Variants in OXCT1 observed in about 807,000 individuals in gnomAD.
OXCT1 encodes the protein 3-oxoacid CoA-transferase 1.
Under a neutral mutation model 69.6 loss-of-function variants are expected in OXCT1, and 27 were observed. That is an observed-to-expected ratio of 0.39 (90% CI 0.29 to 0.54). The LOEUF (loss-of-function observed/expected upper bound fraction) is 0.54, where lower values mean the gene tolerates loss of function less well. Among genes scored for constraint, OXCT1 ranks in the 20% least tolerant of loss-of-function variants. OXCT1 has a pLI of 0.72. For missense variants in OXCT1, 437 were observed against 650.2 expected (o/e 0.67, Z 3.57); for synonymous variants, 202 against 217.8 (o/e 0.93, Z 0.64).
rs114513226 is a variant in OXCT1, at chr5:41,765,069, T to C, written c.1249-2869A>G. Among the ~76,000 whole-genome samples the C allele has an allele frequency of 3.4e-3, 522 of 152,236 alleles. 1 individual carries two copies. The highest frequency in any genetic ancestry group is 0.012 in the African/African-American group (493 of 41,542). The stretch of plus-strand genomic sequence containing the variant: ...AAAAGAAGAAAAGGCGTTCTATTTA[T>C]ACCAGGAGGAAAATAAAACAGGGTT... On this transcript the variant is annotated intron_variant, in intron 13 of 16. Coordinates refer to ENST00000196371, the MANE Select transcript of OXCT1 (RefSeq NM_000436.4).
intron 7 of OXCT1, among the ~76,000 whole-genome samples, chr5:41,810,057 T>C (rs1746889243): frequency 6.6e-6 from 1 of 151,568 alleles, no homozygotes; most frequent in Non-Finnish European, 1.5e-5. Context: ...GAAGAAAACA[T>C]GTTTTCAGAC....
rs552798478 is a variant in OXCT1, at chr5:41,868,506, G to C, written c.78+1775C>G. Among the ~76,000 whole-genome samples the C allele has an allele frequency of 8.0e-4, 122 of 152,214 alleles. 1 individual carries two copies. Among genetic ancestry groups the C allele is most frequent in the African/African-American group, 2.9e-3 (121 of 41,532 alleles). ...TGGGAGGCCGAGGCGGGCGGATCAC[G>C]AGGTCAGGAGATCGAGACCATCCCA... On this transcript the variant is annotated intron_variant, in intron 1 of 16. Transcript: ENST00000196371.
Position 41,731,774 on chromosome 5 carries a change from G to C in OXCT1, c.1522-4C>G. On this transcript the variant is annotated splice_polypyrimidine_tract_variant and splice_region_variant and intron_variant, in intron 16 of 16. Coordinates refer to ENST00000196371, the MANE Select transcript of OXCT1 (RefSeq NM_000436.4). ...TTGGCATGAGTTTTGGTGAAACCTG[G>C]TAAAAGAGGAAAAAAAAATCAAATT... is the stretch of plus-strand genomic sequence containing the variant. 1 of 1,608,268 alleles carries C rather than the reference G, an allele frequency of 6.2e-7. No homozygotes were observed. Among genetic ancestry groups the C allele is most frequent in the Non-Finnish European group, 8.5e-7 (1 of 1,177,000 alleles).
chr5:41,735,971 G>A (rs1240418172), intron 16 of OXCT1, among the ~76,000 whole-genome samples: 1 of 152,194 alleles, frequency 6.6e-6, no homozygotes, highest in Non-Finnish European at 1.5e-5. Context: ...ACACTGGGGA[G>A]CCAAAGCCTC....
intron 13 of OXCT1, among the ~76,000 whole-genome samples, chr5:41,774,902 AAAAT>A (rs1268973699): frequency 2.0e-5 from 3 of 152,260 alleles, no homozygotes; most frequent in South Asian, 2.1e-4. Context: ...CTCAAAAAAT[AAAAT>A]AAATAAATAA....
chr5:41,841,245 A>G (rs1748613153), intron 6 of OXCT1, among the ~76,000 whole-genome samples: 1 of 152,188 alleles, frequency 6.6e-6, no homozygotes, highest in Non-Finnish European at 1.5e-5. Context: ...AAAGGAAGTA[A>G]GTCACAGCTA....
chr5:41,795,395 A>T (rs1746131471), intron 11 of OXCT1, among the ~76,000 whole-genome samples: 2 of 152,160 alleles, frequency 1.3e-5, no homozygotes, highest in South Asian at 4.1e-4. Flanking sequence ...ATACCTCTCC[A>T]GCCTCTCGCC....
At chr5:41,856,881 TC>T (rs1465302898) in intron 3 of OXCT1, among the ~76,000 whole-genome samples, 1 of 152,120 alleles carries the variant, frequency 6.6e-6, no homozygotes, top group Non-Finnish European at 1.5e-5. Context: ...AGGGCTGTCT[TC>T]CCATTACTCT....
In OXCT1 at chr5:41,762,025, C is replaced by T; in HGVS notation, c.1338+86G>A. The T allele has an allele frequency of 1.1e-6, 1 of 878,120 alleles. No homozygotes were observed. The allele number at this position is 878,120 out of a possible 1,614,324, so 54.4% of individuals were successfully genotyped here. A position where few individuals can be genotyped will look rare whatever the true frequency, so the allele number is the denominator to read the frequency against. On this transcript the variant is annotated intron_variant, in intron 14 of 16. Transcript: ENST00000196371. This position sits in a 1 kb window ranked among gnomAD's most constrained non-coding sequence, Gnocchi z 4.0. ...TGAATGAGCCAGAGAAAATAAAATCCACAGTTAGGTGACCTGGTGGTACAC... is the reference window on the plus strand; with the variant it reads ...TGAATGAGCCAGAGAAAATAAAATCTACAGTTAGGTGACCTGGTGGTACAC...
At chr5:41,828,876 G>A (rs1747949293) in intron 7 of OXCT1, among the ~76,000 whole-genome samples, 1 of 152,120 alleles carries the variant, frequency 6.6e-6, no homozygotes, top group Non-Finnish European at 1.5e-5. Flanking sequence ...GCTTTGCAGG[G>A]TACACACTGT....
intron 7 of OXCT1, among the ~76,000 whole-genome samples, chr5:41,830,466 A>T (rs1045255986): frequency 1.4e-4 from 22 of 152,234 alleles, no homozygotes; most frequent in African/African-American, 5.1e-4. Context: ...ACTGAAATAG[A>T]GAGCTTTAAC....
intron 13 of OXCT1, among the ~76,000 whole-genome samples, chr5:41,767,655 A>C (rs1744670293): frequency 7.0e-6 from 1 of 142,456 alleles, no homozygotes; most frequent in Non-Finnish European, 1.5e-5. Flanking sequence ...ATAGTTAATC[A>C]TCTGATTGAG....
intron 7 of OXCT1, among the ~76,000 whole-genome samples, chr5:41,831,912 TTG>T (rs1748116240): frequency 6.6e-6 from 1 of 152,216 alleles, no homozygotes; most frequent in Admixed American, 6.5e-5. Flanking sequence ...ACATGTCTGC[TTG>T]GCAGGATGGC....
rs1353645415 is a variant in OXCT1 at position 41,762,253 on chromosome 5, C to T, written c.1249-53G>A. 2 of 1,367,354 alleles carry T rather than the reference C, an allele frequency of 1.5e-6. No homozygotes were observed. Among genetic ancestry groups the T allele is most frequent in the Non-Finnish European group, 1.0e-6 (1 of 955,144 alleles). The allele number at this position is 1,367,354 out of a possible 1,614,324, so 84.7% of individuals were successfully genotyped here. ...TATCTTTCACTTCTTTTGTATGTGA[C>T]AGAACAAAATTAACTTGCAAAAATA... On this transcript the variant is annotated intron_variant, in intron 13 of 16. Coordinates refer to ENST00000196371, the MANE Select transcript of OXCT1 (RefSeq NM_000436.4). This position sits in a 1 kb window ranked among gnomAD's most constrained non-coding sequence, Gnocchi z 4.0.
intron 14 of OXCT1, among the ~76,000 whole-genome samples, chr5:41,760,783 G>T (rs1354463497): frequency 6.6e-6 from 1 of 152,030 alleles, no homozygotes; most frequent in Non-Finnish European, 1.5e-5. Flanking sequence ...ACCTGTGCTG[G>T]TACCATTTCT....
chr5:41,731,446 T>A lies in OXCT1; in HGVS notation c.*283A>T. The A allele has an allele frequency of 2.0e-6, 2 of 1,000,546 alleles. No homozygotes were observed. The highest frequency in any genetic ancestry group is 2.6e-6 in the Non-Finnish European group (2 of 771,880). The allele number at this position is 1,000,546 out of a possible 1,614,324, so 62.0% of individuals were successfully genotyped here. ...GGGGAAAGGTTCATATAATTTAGCA[T>A]ACATACCATATTCAGTGAAAATGCA... On this transcript the variant is annotated 3_prime_UTR_variant, in exon 17 of 17. Coordinates refer to ENST00000196371, the MANE Select transcript of OXCT1 (RefSeq NM_000436.4).
chr5:41,841,130 T>C (rs1196404744), intron 6 of OXCT1, among the ~76,000 whole-genome samples: 1 of 152,192 alleles, frequency 6.6e-6, no homozygotes, highest in Non-Finnish European at 1.5e-5. Flanking sequence ...ATTTTGCCGA[T>C]GGTTTTGCAC....
intron 14 of OXCT1, among the ~76,000 whole-genome samples, chr5:41,753,328 CACACAG>C (rs1360900959): frequency 2.1e-4 from 30 of 144,382 alleles, no homozygotes; most frequent in African/African-American, 6.0e-4. Flanking sequence ...CACACACACA[CACACAG>C]ACACACACGT....
intron 7 of OXCT1, among the ~76,000 whole-genome samples, chr5:41,815,773 A>C (rs1561099502): frequency 1.3e-5 from 2 of 152,228 alleles, no homozygotes; most frequent in African/African-American, 2.4e-5. Context: ...TATAATTAAT[A>C]GAATTAAACA....
Sources: allele counts gnomAD v4.1 joint callset (sites outside exome capture counted in the v4.1 genomes callset), GRCh38; gene constraint gnomAD v4.1.1; non-coding constraint Gnocchi (gnomAD v3.1); transcripts MANE v1.5; gene names NCBI Gene and HGNC (gene_info 2026-07-23, HGNC 2026-07-21).